Variants in VPS35L observed in about 807,000 individuals in gnomAD.
VPS35L encodes VPS35 endosomal protein sorting factor like.
VPS35L carries 83 observed loss-of-function variants against 133.0 expected under a neutral mutation model. The observed-to-expected ratio is 0.62, with a 90% CI of 0.52 to 0.75. The LOEUF (loss-of-function observed/expected upper bound fraction) is 0.75. Among genes scored for constraint, VPS35L ranks in the 30% least tolerant of loss-of-function variants. The pLI is 0.00. For synonymous variants in VPS35L, 423 were observed against 449.9 expected (o/e 0.94, Z 0.76); for missense variants, 1,083 against 1,206.8 (o/e 0.90, Z 1.52).
chr16:19,640,187 G>A, intron 21 of VPS35L, 87 bp downstream of exon 21: 1 of 1,185,196 alleles, frequency 8.4e-7, no homozygotes, highest in Non-Finnish European at 1.2e-6. Context: ...GCACTTTGAG[G>A]CCGAGTGATG....
At chr16:19,656,451 A>G (rs1371997025) in intron 26 of VPS35L, among the ~76,000 whole-genome samples, 1 of 151,504 alleles carries the variant, frequency 6.6e-6, no homozygotes, top group Non-Finnish European at 1.5e-5. Flanking sequence ...TACATGATGT[A>G]TTTGGCCAAC....
At chr16:19,610,207 C>T (rs1972666566) in intron 11 of VPS35L, 115 bp from the exon 12 acceptor site, 4 of 856,066 alleles carry the variant, frequency 4.7e-6, no homozygotes, top group Non-Finnish European at 3.6e-6. Flanking sequence ...GTTACTGAAA[C>T]TTGATTTTTC....
chr16:19,571,809 T>G (rs1278240342), intron 3 of VPS35L, among the ~76,000 whole-genome samples: 1 of 151,904 alleles, frequency 6.6e-6, no homozygotes, highest in East Asian at 1.9e-4. Flanking sequence ...CCTCCCAAAG[T>G]GCTGGGATTA....
chr16:19,570,950 C>T (rs1262914741), intron 3 of VPS35L, among the ~76,000 whole-genome samples: 5 of 147,896 alleles, frequency 3.4e-5, no homozygotes, highest in East Asian at 2.0e-4. Context: ...GATCTCGACT[C>T]GCAGCCTCCA....
chr16:19,591,186 T>A (rs994165346), intron 7 of VPS35L, among the ~76,000 whole-genome samples: 32 of 152,202 alleles, frequency 2.1e-4, no homozygotes, highest in African/African-American at 7.7e-4. Flanking sequence ...CCTTGGGGAT[T>A]TACTTATGGG....
intron 19 of VPS35L, among the ~76,000 whole-genome samples, chr16:19,636,777 C>T (rs16972278): frequency 6.6e-6 from 1 of 151,972 alleles, no homozygotes; most frequent in Non-Finnish European, 1.5e-5. Flanking sequence ...ATTTAGAAAC[C>T]GCATCTTCTT....
intron 2 of VPS35L, 27 bp from the exon 3 acceptor site, chr16:19,569,396 GT>G: frequency 6.3e-7 from 1 of 1,593,912 alleles, no homozygotes; most frequent in Non-Finnish European, 8.6e-7. Flanking sequence ...TGGGAGTTCC[GT>G]TTTACCTCCA....
intron 24 of VPS35L, among the ~76,000 whole-genome samples, chr16:19,649,728 A>G (rs749052275): frequency 6.6e-6 from 1 of 152,196 alleles, no homozygotes; most frequent in Non-Finnish European, 1.5e-5. Context: ...AGGCTCTTTC[A>G]TTATTTCATG....
rs758526377 is a variant in VPS35L, at chr16:19,633,216, G to C, written c.1635+44G>C. ...TCATTTCAACATTGTTAGGAATTTT[G>C]TTCTGTTGAATTAAATAGGCGTGTT... On this transcript the variant is annotated intron_variant, in intron 19 of 30. Coordinates refer to ENST00000417362, the MANE Select transcript of VPS35L (RefSeq NM_020314.7). This position sits in a 1 kb window ranked among gnomAD's most constrained non-coding sequence, Gnocchi z 4.1. The C allele has an allele frequency of 3.8e-6, 6 of 1,575,176 alleles. No homozygotes were observed. The highest frequency in any genetic ancestry group is 5.2e-6 in the Non-Finnish European group (6 of 1,144,762).
At chr16:19,587,280 C>G in intron 7 of VPS35L, 1 of 441,702 alleles carries the variant, frequency 2.3e-6, no homozygotes, top group South Asian at 1.6e-5. Flanking sequence ...GAACACAGAG[C>G]CAAACCATGT....
At chr16:19,601,126 A>G (rs1972369391) in intron 8 of VPS35L, among the ~76,000 whole-genome samples, 1 of 152,002 alleles carries the variant, frequency 6.6e-6, no homozygotes, top group Non-Finnish European at 1.5e-5. Flanking sequence ...ACCCTGTCTC[A>G]CAGTGTTGCC....
Position 19,682,356 on chromosome 16 carries a change from G to A in VPS35L, c.2493G>A (p.Met831Ile). 2.5e-6 allele frequency: 4 copies of A among 1,614,224 alleles called. No homozygotes were observed. The highest frequency in any genetic ancestry group is 3.4e-6 in the Non-Finnish European group (4 of 1,180,042). The stretch of plus-strand genomic sequence containing the variant: ...GCGTCCTGCATCTCCTCTCCGCCAT[G>A]AGCCAGGAGACGTACCTTTACCACA... ...YTCVLHLLSA[M>I]SQETYLYHID... Residue 831 changes from methionine to isoleucine, a missense_variant, in exon 28 of 31, where the codon ATG becomes ATA. Physicochemically the swap from Met to Ile is conservative, Grantham distance 10 (BLOSUM62 1). Coordinates refer to ENST00000417362, the MANE Select transcript of VPS35L (RefSeq NM_020314.7).
chr16:19,622,437 C>T (rs551990003), intron 14 of VPS35L, among the ~76,000 whole-genome samples: 9 of 151,828 alleles, frequency 5.9e-5, no homozygotes, highest in Non-Finnish European at 1.0e-4. Context: ...CCACTGTGCC[C>T]GGCCCCCACG....
intron 5 of VPS35L, among the ~76,000 whole-genome samples, chr16:19,576,999 G>A (rs189946688): frequency 2.0e-5 from 3 of 152,202 alleles, no homozygotes; most frequent in East Asian, 1.9e-4. Flanking sequence ...GAGCTACCAC[G>A]CCCAGCTTGT....
At chr16:19,662,725 C>T (rs1262816226) in intron 26 of VPS35L, among the ~76,000 whole-genome samples, 1 of 152,164 alleles carries the variant, frequency 6.6e-6, no homozygotes, top group Non-Finnish European at 1.5e-5. Context: ...GATTAGGCTG[C>T]CTTCAGCCAT....
intron 25 of VPS35L, 29 bp downstream of exon 25, chr16:19,650,488 C>A (rs1974090822): frequency 1.3e-6 from 2 of 1,555,558 alleles, no homozygotes; most frequent in Non-Finnish European, 1.8e-6. Flanking sequence ...GACTGTTGGA[C>A]CTCGAACTCC....
intron 28 of VPS35L, among the ~76,000 whole-genome samples, chr16:19,687,834 C>T (rs774298345): frequency 3.3e-5 from 5 of 152,130 alleles, no homozygotes; most frequent in East Asian, 2.0e-4. Flanking sequence ...TGTTCATGGC[C>T]GGGCGCGGTG....
chr16:19,650,178 C>T (rs995786954), intron 24 of VPS35L, among the ~76,000 whole-genome samples: 1 of 152,082 alleles, frequency 6.6e-6, no homozygotes, highest in African/African-American at 2.4e-5. Flanking sequence ...TTTGTTCTAC[C>T]CTCTTGGAGA....
chr16:19,637,787 T>A, intron 20 of VPS35L, 131 bp downstream of exon 20: 2 of 567,060 alleles, frequency 3.5e-6, no homozygotes, highest in South Asian at 6.3e-5. Flanking sequence ...AGTAGTTAAG[T>A]CTGATCAACT....
Sources: gnomAD v4.1 joint callset for allele counts (sites outside exome capture counted in the v4.1 genomes callset) on GRCh38, gnomAD v4.1.1 for gene constraint, Gnocchi (gnomAD v3.1) non-coding constraint, MANE v1.5 for transcripts, NCBI Gene and HGNC (gene_info 2026-07-23, HGNC 2026-07-21) for gene names.